The following UTRN variants were observed in gnomAD, a reference collection of about 807,000 sequenced individuals.
The protein encoded by UTRN is dystrophin-related protein 1.
Under a neutral mutation model 463.9 loss-of-function variants are expected in UTRN, and 283 were observed. The ratio of observed to expected loss-of-function variants is 0.61; its 90% CI spans 0.55 to 0.67. UTRN has a LOEUF of 0.67. UTRN is among the 30% of genes least tolerant of loss of function. UTRN has a pLI of 0.00. For synonymous variants in UTRN, 1,442 were observed against 1,431.5 expected (o/e 1.01, Z -0.17); for missense variants, 3,922 against 4,084.3 (o/e 0.96, Z 1.08).
intron 58 of UTRN, among the ~76,000 whole-genome samples, chr6:144,767,025 C>T (rs187224686): frequency 2.0e-5 from 3 of 151,934 alleles, no homozygotes; most frequent in Non-Finnish European, 4.4e-5. Context: ...AAGGAGTCCT[C>T]ATCTAGTAGT....
chr6:144,463,356 C>A (rs1359342191), intron 23 of UTRN, among the ~76,000 whole-genome samples: 1 of 152,104 alleles, frequency 6.6e-6, no homozygotes, highest in Non-Finnish European at 1.5e-5. Flanking sequence ...GAAACAGGAT[C>A]CTTCACTACA....
At chr6:144,413,723 T>C (rs376805161) in intron 3 of UTRN, among the ~76,000 whole-genome samples, 3 of 152,228 alleles carry the variant, frequency 2.0e-5, no homozygotes, top group African/African-American at 7.2e-5. Flanking sequence ...CATACACTTA[T>C]GTACAGTACA....
At chr6:144,828,385 C>G (rs1438345281) in intron 68 of UTRN, among the ~76,000 whole-genome samples, 1 of 152,100 alleles carries the variant, frequency 6.6e-6, no homozygotes, top group Non-Finnish European at 1.5e-5. Context: ...TAATGAAAAA[C>G]CCAGCCACTG....
chr6:144,593,815 C>A (rs760697826), intron 51 of UTRN, among the ~76,000 whole-genome samples: 1 of 152,034 alleles, frequency 6.6e-6, no homozygotes, highest in Non-Finnish European at 1.5e-5. Context: ...GCTATGTATG[C>A]CAGATCTTTT....
At chr6:144,470,427 G>A (rs991984459) in intron 23 of UTRN, among the ~76,000 whole-genome samples, 4 of 152,030 alleles carry the variant, frequency 2.6e-5, no homozygotes, top group African/African-American at 4.8e-5. Flanking sequence ...GTTCCCAGAC[G>A]GGGTCGCGGC....
chr6:144,289,548 C>G (rs2114504323), intron 1 of UTRN, among the ~76,000 whole-genome samples: 1 of 152,286 alleles, frequency 6.6e-6, no homozygotes, highest in East Asian at 1.9e-4. Flanking sequence ...TCTCAAACTT[C>G]TGGGCTCAAG....
chr6:144,700,269 G>A (rs376158172), intron 53 of UTRN, 26 bp downstream of exon 53: 129 of 1,580,728 alleles, frequency 8.2e-5, no homozygotes, highest in African/African-American at 9.5e-5. Flanking sequence ...ATAGTGAGTC[G>A]CTTAATTCAA....
intron 45 of UTRN, among the ~76,000 whole-genome samples, chr6:144,540,427 A>G (rs971649410): frequency 2.6e-5 from 4 of 152,162 alleles, no homozygotes; most frequent in African/African-American, 9.7e-5. Flanking sequence ...CTAATGATGC[A>G]GGTGCTTTAT....
chr6:144,732,250 A>C (rs1788686176), intron 54 of UTRN, among the ~76,000 whole-genome samples: 2 of 116,740 alleles, frequency 1.7e-5, no homozygotes, highest in East Asian at 6.5e-4. Context: ...ATATATATAT[A>C]TATATATACA....
At chr6:144,783,286 C>A (rs1206866354) in intron 61 of UTRN, among the ~76,000 whole-genome samples, 1 of 151,974 alleles carries the variant, frequency 6.6e-6, no homozygotes, top group Non-Finnish European at 1.5e-5. Context: ...ATGAAAACTT[C>A]TATTTACCAA....
intron 2 of UTRN, chr6:144,398,476 A>G: frequency 2.7e-6 from 1 of 369,294 alleles, no homozygotes; most frequent in Non-Finnish European, 5.3e-6. Flanking sequence ...TTTTCCCTCC[A>G]ATTATTGGTT....
chr6:144,444,684 A>T (rs915926998), intron 14 of UTRN, among the ~76,000 whole-genome samples: 1 of 152,166 alleles, frequency 6.6e-6, no homozygotes, highest in Non-Finnish European at 1.5e-5. Flanking sequence ...GTGTTGGGTG[A>T]TGTATTTGAA....
chr6:144,635,514 C>CTTTTCTTTTT (rs1777035213), intron 51 of UTRN, among the ~76,000 whole-genome samples: 22 of 80,008 alleles, frequency 2.7e-4, no homozygotes, highest in African/African-American at 7.8e-4. Context: ...CTTTTTTTTT[C>CTTTTCTTTTT]TTTTTTTTTT....
In UTRN at chr6:144,511,248, G is replaced by A. The variant is rs565492200; in HGVS notation, c.4944+125G>A. ...TGTGTCACAGTGATGTTTTGCTTGTGAATTAATTTCATTAGACTAGGTTTT... is the reference window on the plus strand; with the variant it reads ...TGTGTCACAGTGATGTTTTGCTTGTAAATTAATTTCATTAGACTAGGTTTT... On this transcript the variant is annotated intron_variant, in intron 35 of 74. Transcript: ENST00000367545. 2.1e-5 allele frequency: 20 copies of A among 951,822 alleles called. No homozygotes were observed. The South Asian group carries it at 8.0e-4, about 38-fold the overall frequency. The allele number at this position is 951,822 out of a possible 1,614,324, so 59.0% of individuals were successfully genotyped here.
At position 144,708,769 on chromosome 6, in the gene UTRN, C is replaced by T. The variant is rs1430074095; in HGVS notation, c.7809+8526C>T. Among the ~76,000 whole-genome samples, 3 of 152,272 alleles carry T rather than the reference C, an allele frequency of 2.0e-5. 1 individual carries two copies. The highest frequency in any genetic ancestry group is 3.9e-4 in the East Asian group (2 of 5,192). On this transcript the variant is annotated intron_variant, in intron 53 of 74. Coordinates refer to ENST00000367545, the MANE Select transcript of UTRN (RefSeq NM_007124.3). ...GTCTTTTGCTGCTGTAACAGAATGTCAGGGACTGAGTCATTTATAAGGAAG... is the reference window on the plus strand; with the variant it reads ...GTCTTTTGCTGCTGTAACAGAATGTTAGGGACTGAGTCATTTATAAGGAAG...
At position 144,646,712 on chromosome 6, in the gene UTRN, C is replaced by T. The variant is rs569329191; in HGVS notation, c.7480-31694C>T. 1.2e-3 allele frequency among the ~76,000 whole-genome samples: 183 copies of T among 152,102 alleles called. 3 individuals are homozygous for T. Among genetic ancestry groups the T allele is most frequent in the Middle Eastern group, 3.4e-3 (1 of 294 alleles). ...CTGGGAAAGCAAATGTATCAGGGGG[C>T]GGCTTTTAATTTGACAAAAGATCTG... On this transcript the variant is annotated intron_variant, in intron 51 of 74. Coordinates refer to ENST00000367545, the MANE Select transcript of UTRN (RefSeq NM_007124.3).
At chr6:144,358,451 A>C (rs1392095361) in intron 2 of UTRN, among the ~76,000 whole-genome samples, 1 of 152,226 alleles carries the variant, frequency 6.6e-6, no homozygotes, top group Non-Finnish European at 1.5e-5. Context: ...TAAGTAAAAT[A>C]CAGAAGGAGG....
intron 65 of UTRN, among the ~76,000 whole-genome samples, chr6:144,806,933 C>G (rs1431874993): frequency 6.6e-6 from 1 of 152,128 alleles, no homozygotes; most frequent in Non-Finnish European, 1.5e-5. Flanking sequence ...TACATTTGCT[C>G]TACTCTTTTA....
chr6:144,823,034 A>C (rs1455038370), intron 66 of UTRN, among the ~76,000 whole-genome samples: 1 of 152,158 alleles, frequency 6.6e-6, no homozygotes, highest in African/African-American at 2.4e-5. Context: ...GGTGTCAGTC[A>C]TCCTATTCTG....
Sources: allele counts gnomAD v4.1 joint callset (sites outside exome capture counted in the v4.1 genomes callset), GRCh38; gene constraint gnomAD v4.1.1; transcripts MANE v1.5; gene names NCBI Gene and HGNC (gene_info 2026-07-23, HGNC 2026-07-21).